Variants in CEP290 observed in about 807,000 individuals in gnomAD.
The protein encoded by CEP290 is centrosomal protein 290.
Under a neutral mutation model 344.9 loss-of-function variants are expected in CEP290, and 317 were observed. The ratio of observed to expected loss-of-function variants is 0.92; its 90% CI spans 0.84 to 1.01. CEP290 has a LOEUF of 1.01. CEP290 is among the 50% of genes least tolerant of loss of function. The probability of loss-of-function intolerance (pLI) is 0.00; values close to 1 mark genes in which losing one functional copy is unlikely to be tolerated. For synonymous variants in CEP290, 932 were observed against 895.8 expected (o/e 1.04, Z -0.72); for missense variants, 2,754 against 2,761.4 (o/e 1.00, Z 0.06).
intron 30 of CEP290, 108 bp from the exon 31 acceptor site, chr12:88,089,595 C>T (rs748481263): frequency 1.2e-5 from 8 of 687,146 alleles, no homozygotes; most frequent in Non-Finnish European, 1.3e-5. Context: ...AACACAGTGG[C>T]ACATGAGATC....
chr12:88,069,239 G>T (rs1157110815), intron 43 of CEP290, among the ~76,000 whole-genome samples: 1 of 152,038 alleles, frequency 6.6e-6, no homozygotes, highest in African/African-American at 2.4e-5. Context: ...CTCTGCTAGG[G>T]TTCTCCTCTT....
chr12:88,051,072 CTCTT>C (rs1237367265), intron 52 of CEP290, among the ~76,000 whole-genome samples: 22 of 152,052 alleles, frequency 1.4e-4, no homozygotes, highest in Middle Eastern at 6.8e-3. Flanking sequence ...TGCTAGATAT[CTCTT>C]TTCTTTATAT....
In CEP290 at chr12:88,063,697, T is replaced by C. The variant is rs532718092; in HGVS notation, c.6270+284A>G. Among the ~76,000 whole-genome samples the C allele has an allele frequency of 2.0e-5, 3 of 152,190 alleles. No homozygotes were observed. In the East Asian group the frequency reaches 5.8e-4, roughly 29 times the overall value. The stretch of plus-strand genomic sequence containing the variant: ...TCCTTAGCACTAACATCAGATGACA[T>C]ACTATTTAGTGACTTGTTTATTGTC... On this transcript the variant is annotated intron_variant, in intron 45 of 53. Transcript: ENST00000552810.
At chr12:88,104,379 G>C (rs908495277) in intron 25 of CEP290, among the ~76,000 whole-genome samples, 2 of 151,980 alleles carry the variant, frequency 1.3e-5, no homozygotes, top group Non-Finnish European at 1.5e-5. Context: ...TATAAAACTA[G>C]GTGCAGAAGG....
intron 3 of CEP290, among the ~76,000 whole-genome samples, chr12:88,140,544 T>C (rs753473800): frequency 4.6e-5 from 7 of 152,206 alleles, no homozygotes; most frequent in Admixed American, 3.9e-4. Flanking sequence ...AACCAACAGC[T>C]CTAGAATTCC....
Position 88,060,971 on chromosome 12 carries a change from G to A in CEP290, c.6381C>T (p.Ile2127=), listed in dbSNP as rs761864807. 4 of 1,560,212 alleles carry A rather than the reference G, an allele frequency of 2.6e-6. No homozygotes were observed. The highest frequency in any genetic ancestry group is 3.3e-4 in the Middle Eastern group (2 of 5,976). ...VRGSGRSGKT[I]PELEKTIGLM... Reference sequence around the variant, plus strand: ...AACCAATGGTTTTTTCCAGTTCTGGGATTGTCTTTCCACTTCTACCAGACT... The same window carrying A: ...AACCAATGGTTTTTTCCAGTTCTGGAATTGTCTTTCCACTTCTACCAGACT... The change falls in exon 47 of 54, where the codon ATC becomes ATT. Residue 2127 remains isoleucine, a synonymous_variant. Transcript: ENST00000552810.
chr12:88,089,960 C>T (rs1446219641), intron 30 of CEP290, among the ~76,000 whole-genome samples: 2 of 151,878 alleles, frequency 1.3e-5, no homozygotes, highest in East Asian at 1.9e-4. Context: ...CTCCTGACCT[C>T]GTGATCCGCC....
Position 88,105,926 on chromosome 12 carries a change from CA to C in CEP290, c.2817+748del, listed in dbSNP as rs113528166. Among the ~76,000 whole-genome samples, 255 of 141,546 alleles carry C rather than the reference CA, an allele frequency of 1.8e-3. 2 individuals are homozygous for C. The highest frequency in any genetic ancestry group is 5.3e-3 in the African/African-American group (209 of 39,184). The allele number at this position is 141,546 out of a possible 152,430, so 92.9% of individuals were successfully genotyped here. A position where few individuals can be genotyped will look rare whatever the true frequency, so the allele number is the denominator to read the frequency against. ...ACCAAGCTAATTAAAAACAAACAAA[CA>C]AAAAAAAAAACATTTTTTGTAGAGA... On this transcript the variant is annotated intron_variant, in intron 25 of 53. Transcript: ENST00000552810.
chr12:88,124,567 T>C lies in CEP290; in HGVS notation c.1189+679A>G, dbSNP rs2039615263. On this transcript the variant is annotated intron_variant, in intron 13 of 53. Transcript: ENST00000552810. The stretch of plus-strand genomic sequence containing the variant: ...TATATACACACACACATATGACATG[T>C]ATATATATGTGTATATATGTATATA... Among the ~76,000 whole-genome samples, 3 of 152,006 alleles carry C rather than the reference T, an allele frequency of 2.0e-5. No homozygotes were observed. The South Asian group carries it at 6.2e-4, about 31-fold the overall frequency.
intron 52 of CEP290, among the ~76,000 whole-genome samples, chr12:88,052,577 C>T (rs2033644845): frequency 6.6e-6 from 1 of 151,972 alleles, no homozygotes. Context: ...AAAGTTAGCC[C>T]AATTAGTGAA....
Position 88,130,558 on chromosome 12 carries a change from C to G in CEP290, c.503G>C (p.Arg168Pro), listed in dbSNP as rs200063017. 1 of 1,585,758 alleles carries G rather than the reference C, an allele frequency of 6.3e-7. No individual in the cohort carries two copies. Among genetic ancestry groups the G allele is most frequent in the Non-Finnish European group, 8.6e-7 (1 of 1,167,984 alleles). The change falls in exon 8 of 54, where the codon CGT becomes CCT. Residue 168 changes from arginine to proline, a missense_variant. Arg to Pro is a moderately radical substitution (Grantham distance 103, BLOSUM62 -2). Coordinates refer to ENST00000552810, the MANE Select transcript of CEP290 (RefSeq NM_025114.4). ...ENSKLRRENKRLKKKNEQLCQ... is the reference protein window; with the variant it reads ...ENSKLRRENKPLKKKNEQLCQ... ...TTAAAGCCTCACCTTTTTCTTTAGA[C>G]GTTTGTTCTACAGAAAAGGACAGGA...
chr12:88,068,969 A>G (rs2035159296), intron 43 of CEP290, among the ~76,000 whole-genome samples: 1 of 152,184 alleles, frequency 6.6e-6, no homozygotes, highest in African/African-American at 2.4e-5. Flanking sequence ...AAACTAAAAT[A>G]CTTACTATTT....
chr12:88,060,687 CAT>C (rs2034410385), intron 47 of CEP290, 141 bp downstream of exon 47: 3 of 593,704 alleles, frequency 5.1e-6, no homozygotes, highest in Non-Finnish European at 8.3e-6. Flanking sequence ...CCTTGCCTCT[CAT>C]AAGTTTTTTT....
At position 88,079,231 on chromosome 12, in the gene CEP290, TA is replaced by T; in HGVS notation, c.5227-3del. ...TTCTAAAAGTGCCCGACTAAGTGCC[TA>T]AAAATTAACCAAAAAAAAAATGTAA... On this transcript the variant is annotated splice_region_variant and splice_polypyrimidine_tract_variant and intron_variant, in intron 38 of 53. Transcript: ENST00000552810. The T allele has an allele frequency of 6.3e-7, 1 of 1,577,134 alleles. No homozygotes were observed. Among genetic ancestry groups the T allele is most frequent in the Non-Finnish European group, 8.6e-7 (1 of 1,167,724 alleles).
intron 27 of CEP290, among the ~76,000 whole-genome samples, chr12:88,094,572 G>GTCTT (rs2037292770): frequency 6.6e-6 from 1 of 151,920 alleles, no homozygotes; most frequent in African/African-American, 2.4e-5. Context: ...TACGCAGCTT[G>GTCTT]TCTTTGGACA....
intron 41 of CEP290, 127 bp from the exon 42 acceptor site, chr12:88,072,053 T>A: frequency 1.1e-6 from 1 of 893,420 alleles, no homozygotes; most frequent in Non-Finnish European, 1.6e-6. Context: ...GTAAATATGT[T>A]CATTTTGCTA....
chr12:88,112,595 T>C (rs1236152823), intron 20 of CEP290, among the ~76,000 whole-genome samples: 1 of 152,128 alleles, frequency 6.6e-6, no homozygotes, highest in Non-Finnish European at 1.5e-5. Flanking sequence ...ATTTGGACTT[T>C]AGATGAACTG....
At chr12:88,081,712 A>C (rs910988339) in intron 37 of CEP290, among the ~76,000 whole-genome samples, 3 of 152,200 alleles carry the variant, frequency 2.0e-5, no homozygotes, top group Non-Finnish European at 4.4e-5. Flanking sequence ...ATTTTGGACT[A>C]AAATGACGTA....
At chr12:88,113,272 A>G (rs1000764972) in intron 20 of CEP290, among the ~76,000 whole-genome samples, 2 of 152,108 alleles carry the variant, frequency 1.3e-5, no homozygotes, top group Non-Finnish European at 2.9e-5. Context: ...TCTGGGACAC[A>G]GTATCAGTAG....
Sources: gnomAD v4.1 joint callset for allele counts (sites outside exome capture counted in the v4.1 genomes callset) on GRCh38, gnomAD v4.1.1 for gene constraint, MANE v1.5 for transcripts, NCBI Gene and HGNC (gene_info 2026-07-23, HGNC 2026-07-21) for gene names.